Variants in RAP1A observed in about 807,000 individuals in gnomAD.
RAP1A encodes RAP1A, member of RAS oncogene family, also known as ras-related protein Rap-1A.
A neutral mutation model predicts 26.4 loss-of-function variants in RAP1A; 6 were observed. That is an observed-to-expected ratio of 0.23 (90% CI 0.12 to 0.45). RAP1A has a LOEUF of 0.45. Ranked by LOEUF, RAP1A falls within the 20% of genes least tolerant of loss-of-function variation. The pLI, the probability that RAP1A is intolerant of heterozygous loss-of-function variation, is 0.99. For synonymous variants in RAP1A, 73 were observed against 79.4 expected, an observed-to-expected ratio of 0.92 and a Z score of 0.43; for missense variants, 121 against 217.2, an observed-to-expected ratio of 0.56 and a Z score of 2.78.
At chr1:111,667,513 G>A (rs918311833) in intron 1 of RAP1A, among the ~76,000 whole-genome samples, 2 of 151,942 alleles carry the variant, frequency 1.3e-5, no homozygotes, top group South Asian at 4.2e-4. Flanking sequence ...GGCGAAACCT[G>A]TCTCTACTAA....
At chr1:111,592,230 G>A (rs72695257) in intron 1 of RAP1A, among the ~76,000 whole-genome samples, 20,380 of 152,186 alleles carry the variant, frequency 0.13, 1,656 homozygotes, top group East Asian at 0.17. Context: ...GAAGCATCAC[G>A]TGCTGCACAT....
At chr1:111,709,356 T>A in intron 7 of RAP1A, 92 bp downstream of exon 7, 1 of 1,354,644 alleles carries the variant, frequency 7.4e-7, no homozygotes, top group Non-Finnish European at 9.7e-7. Context: ...TCTGTTATGG[T>A]ATTTCTAAGC....
chr1:111,642,106 G>T (rs371760092), intron 1 of RAP1A, among the ~76,000 whole-genome samples: 1 of 152,126 alleles, frequency 6.6e-6, no homozygotes, highest in South Asian at 2.1e-4. Context: ...TTAGCCGGGT[G>T]TGGTGGTGCA....
intron 1 of RAP1A, among the ~76,000 whole-genome samples, chr1:111,546,261 G>A (rs1025352641): frequency 3.2e-4 from 48 of 152,074 alleles, no homozygotes; most frequent in Admixed American, 1.0e-3. Flanking sequence ...TTTGTTTGGT[G>A]TTTTGTTTTA....
chr1:111,652,718 A>T (rs564643537), intron 1 of RAP1A, among the ~76,000 whole-genome samples: 1 of 152,232 alleles, frequency 6.6e-6, no homozygotes, highest in South Asian at 2.1e-4. Context: ...AAGGACAATA[A>T]CAAGTGTTGG....
At chr1:111,677,735 T>G (rs1347711872) in intron 1 of RAP1A, among the ~76,000 whole-genome samples, 5 of 152,174 alleles carry the variant, frequency 3.3e-5, no homozygotes, top group African/African-American at 1.2e-4. Context: ...CAACCTGCGG[T>G]GCCTTTTAGG....
intron 3 of RAP1A, among the ~76,000 whole-genome samples, chr1:111,696,891 A>G (rs1486063812): frequency 6.6e-6 from 1 of 152,136 alleles, no homozygotes; most frequent in Non-Finnish European, 1.5e-5. Flanking sequence ...GTTTTAGCTC[A>G]TTGCTGTTTA....
chr1:111,702,838 G>A (rs777350831), intron 4 of RAP1A, among the ~76,000 whole-genome samples: 6 of 152,262 alleles, frequency 3.9e-5, no homozygotes, highest in Non-Finnish European at 8.8e-5. Flanking sequence ...GGTATTACAG[G>A]TGTGAGTCAT....
At chr1:111,599,790 A>AGCGTTC (rs1658635045) in intron 1 of RAP1A, 1 of 152,166 alleles carries the variant, frequency 6.6e-6, no homozygotes, top group African/African-American at 2.4e-5. Context: ...CCCAAGTCTC[A>AGCGTTC]TGTTGAAATG....
At chr1:111,590,323 G>A (rs1321975260) in intron 1 of RAP1A, among the ~76,000 whole-genome samples, 1 of 152,100 alleles carries the variant, frequency 6.6e-6, no homozygotes. Context: ...AGGTAGTGAT[G>A]GTGGACATTC....
chr1:111,599,868 C>T (rs995822455), intron 1 of RAP1A: 1 of 152,064 alleles, frequency 6.6e-6, no homozygotes, highest in African/African-American at 2.4e-5. Context: ...AGGGGGATCC[C>T]TCATGAATGA....
chr1:111,576,278 T>C (rs983963483), intron 1 of RAP1A, among the ~76,000 whole-genome samples: 2 of 152,038 alleles, frequency 1.3e-5, no homozygotes, highest in African/African-American at 4.8e-5. Flanking sequence ...CTAAGGAGAG[T>C]TATAAACCCT....
chr1:111,619,691 CG>C, upstream of RAP1A: 1 of 392,066 alleles, frequency 2.6e-6, no homozygotes, highest in Non-Finnish European at 4.5e-6. Context: ...GTGGGGAAGG[CG>C]GGGCCGAAGC....
intron 1 of RAP1A, among the ~76,000 whole-genome samples, chr1:111,686,391 C>T (rs886688398): frequency 4.6e-5 from 7 of 151,994 alleles, no homozygotes; most frequent in Non-Finnish European, 8.8e-5. Flanking sequence ...TACTTAATGG[C>T]CTCTTTCATT....
chr1:111,595,084 T>C (rs1299105422), intron 1 of RAP1A, among the ~76,000 whole-genome samples: 1 of 152,244 alleles, frequency 6.6e-6, no homozygotes, highest in Admixed American at 6.5e-5. Context: ...TCATTATTAA[T>C]AGTTGCCTAA....
chr1:111,551,158 A>G (rs948629353), intron 1 of RAP1A, among the ~76,000 whole-genome samples: 2 of 152,144 alleles, frequency 1.3e-5, no homozygotes. Context: ...TACAAACAGC[A>G]TATAGTTGGA....
intron 1 of RAP1A, among the ~76,000 whole-genome samples, chr1:111,635,886 C>A (rs929209201): frequency 2.0e-5 from 3 of 152,016 alleles, no homozygotes. Flanking sequence ...ATTGATGTTT[C>A]CATGAAACTG....
chr1:111,565,055 C>T (rs1657887297), intron 1 of RAP1A, among the ~76,000 whole-genome samples: 2 of 152,060 alleles, frequency 1.3e-5, no homozygotes, highest in Admixed American at 1.3e-4. Flanking sequence ...TAATAAGACA[C>T]CTAAATGCAG....
At position 111,557,315 on chromosome 1, in the gene RAP1A, G is replaced by A. The variant is rs547599474; in HGVS notation, c.-28+14806G>A. On this transcript the variant is annotated intron_variant, in intron 1 of 7. Coordinates refer to the RAP1A transcript ENST00000356415. The stretch of plus-strand genomic sequence containing the variant: ...TGTAATCCTAGCACTTTGGGAGTCC[G>A]AGACAGGCAGATCACGAGGTGAGGA... 4.6e-5 allele frequency among the ~76,000 whole-genome samples: 7 copies of A among 152,270 alleles called. No individual in the cohort carries two copies. The South Asian group carries it at 8.3e-4, about 18-fold the overall frequency.
Sources: allele counts gnomAD v4.1 joint callset (sites outside exome capture counted in the v4.1 genomes callset), GRCh38; gene constraint gnomAD v4.1.1; transcripts MANE v1.5; gene names NCBI Gene and HGNC (gene_info 2026-07-23, HGNC 2026-07-21).